The following PLSCR2 variants were observed in gnomAD, a reference collection of about 807,000 sequenced individuals.
PLSCR2 encodes the protein phospholipid scramblase 2, also known as PL scramblase 2.
A neutral mutation model predicts 25.3 loss-of-function variants in PLSCR2; 18 were observed. The ratio of observed to expected loss-of-function variants is 0.71; its 90% confidence interval spans 0.49 to 1.06. The LOEUF is 1.06. Among genes scored for constraint, PLSCR2 ranks in the 50% least tolerant of loss-of-function variants. PLSCR2 has a pLI of 0.00. For missense variants in PLSCR2, 243 were observed against 269.5 expected (o/e 0.90, Z 0.69); for synonymous variants, 88 against 87.3 (o/e 1.01, Z -0.04).
chr3:146,423,645 G>T (rs2039237622), intron 2 of PLSCR2, among the ~76,000 whole-genome samples: 1 of 152,030 alleles, frequency 6.6e-6, no homozygotes, highest in East Asian at 1.9e-4. Flanking sequence ...TGCTAATCAG[G>T]TACCCTTAAA....
downstream of PLSCR2, among the ~76,000 whole-genome samples, chr3:146,430,459 C>T (rs1400179529): frequency 6.6e-6 from 1 of 152,128 alleles, no homozygotes. Context: ...TCTGTGCACT[C>T]TTCTGGCACT....
At chr3:146,447,794 G>A (rs1254521802) in intron 6 of PLSCR2, among the ~76,000 whole-genome samples, 1 of 152,136 alleles carries the variant, frequency 6.6e-6, no homozygotes. Context: ...GGCTTAGAGT[G>A]CCTTTCAAGT....
downstream of PLSCR2, among the ~76,000 whole-genome samples, chr3:146,430,373 G>A (rs995023480): frequency 6.6e-6 from 1 of 152,130 alleles, no homozygotes; most frequent in South Asian, 2.1e-4. Flanking sequence ...GTGCAGGAAG[G>A]TTCTAGGAAA....
chr3:146,435,888 G>T (rs1396698602), intron 8 of PLSCR2, among the ~76,000 whole-genome samples: 2 of 152,144 alleles, frequency 1.3e-5, no homozygotes, highest in Non-Finnish European at 1.5e-5. Flanking sequence ...TTTTCTCCTA[G>T]GGTTTTTACG....
intron 2 of PLSCR2, chr3:146,401,441 G>T (rs984206051): frequency 1.3e-5 from 2 of 152,392 alleles, no homozygotes; most frequent in East Asian, 1.9e-4. Flanking sequence ...TAGTAAAAGG[G>T]CTTGAAAATC....
At chr3:146,485,989 C>T (rs534575078) in intron 1 of PLSCR2, among the ~76,000 whole-genome samples, 31 of 152,184 alleles carry the variant, frequency 2.0e-4, no homozygotes, top group African/African-American at 7.0e-4. Flanking sequence ...TCAATCATCT[C>T]TTATGGTCTC....
chr3:146,415,546 G>T (rs1335124378), intron 2 of PLSCR2, among the ~76,000 whole-genome samples: 1 of 151,990 alleles, frequency 6.6e-6, no homozygotes, highest in African/African-American at 2.4e-5. Flanking sequence ...AATGCTAAAA[G>T]GTTTTGTTAT....
chr3:146,449,138 T>G, intron 6 of PLSCR2, 68 bp downstream of exon 6: 2 of 1,114,822 alleles, frequency 1.8e-6, no homozygotes, highest in Non-Finnish European at 2.7e-6. Context: ...AATGTATAAT[T>G]TATTGAAGTA....
chr3:146,479,120 T>C (rs1463000063), intron 1 of PLSCR2, among the ~76,000 whole-genome samples: 1 of 152,160 alleles, frequency 6.6e-6, no homozygotes, highest in Non-Finnish European at 1.5e-5. Context: ...GGAAAACCGG[T>C]ACCAGCCACT....
chr3:146,469,206 G>A lies in PLSCR2; in HGVS notation c.-292-8922C>T, dbSNP rs1028538229. 3 of 985,310 alleles carry A rather than the reference G, an allele frequency of 3.0e-6. No homozygotes were observed. The African/African-American group carries it at 5.2e-5, about 17-fold the overall frequency. The allele number at this position is 985,310 out of a possible 1,614,324, so 61.0% of individuals were successfully genotyped here. A position where few individuals can be genotyped will look rare whatever the true frequency, so the allele number is the denominator to read the frequency against. The stretch of plus-strand genomic sequence containing the variant: ...CAGACTCTGCCCAGGATTCAGGGCC[G>A]CTCTCTACCTGTAAAGCAGTGTAGC... On this transcript the variant is annotated intron_variant, in intron 1 of 8. Transcript: ENST00000336685.
At chr3:146,406,183 C>T (rs1256291715) in intron 2 of PLSCR2, among the ~76,000 whole-genome samples, 2 of 152,192 alleles carry the variant, frequency 1.3e-5, no homozygotes, top group Non-Finnish European at 2.9e-5. Context: ...TGGTTGATCT[C>T]TTAGAGCAGG....
intron 2 of PLSCR2, among the ~76,000 whole-genome samples, chr3:146,413,548 C>T (rs1047186335): frequency 6.6e-6 from 1 of 152,168 alleles, no homozygotes. Context: ...ATTCTGCCTT[C>T]CCTAAAGCTC....
chr3:146,480,152 C>A (rs766347881), intron 1 of PLSCR2, among the ~76,000 whole-genome samples: 6 of 152,118 alleles, frequency 3.9e-5, no homozygotes, highest in Non-Finnish European at 7.4e-5. Context: ...CTAAAATTAA[C>A]ACGCTAACAT....
intron 2 of PLSCR2, among the ~76,000 whole-genome samples, chr3:146,414,525 C>T (rs1333772523): frequency 6.6e-6 from 1 of 151,930 alleles, no homozygotes; most frequent in Non-Finnish European, 1.5e-5. Context: ...GAAGAGCTTT[C>T]ATGAGTTAAA....
chr3:146,447,488 T>C (rs2040620869), intron 6 of PLSCR2, among the ~76,000 whole-genome samples: 1 of 152,090 alleles, frequency 6.6e-6, no homozygotes, highest in Admixed American at 6.5e-5. Context: ...TTTAGAAACA[T>C]TGTCTGGGTG....
intron 2 of PLSCR2, among the ~76,000 whole-genome samples, chr3:146,409,618 C>G (rs987181243): frequency 2.6e-5 from 4 of 152,138 alleles, no homozygotes; most frequent in Non-Finnish European, 5.9e-5. Flanking sequence ...TAACTCCTAA[C>G]TTTGGCCATT....
chr3:146,476,189 C>T (rs374546283), intron 1 of PLSCR2, among the ~76,000 whole-genome samples: 83 of 152,098 alleles, frequency 5.5e-4, no homozygotes, highest in African/African-American at 1.8e-3. Context: ...CACTGGGAAC[C>T]GAGGTACCCT....
chr3:146,411,669 C>T (rs990746585), intron 2 of PLSCR2, among the ~76,000 whole-genome samples: 3 of 152,178 alleles, frequency 2.0e-5, no homozygotes, highest in Non-Finnish European at 2.9e-5. Flanking sequence ...ACCATTTAGC[C>T]GGCGGCCAAG....
chr3:146,406,731 A>G (rs2038671686), intron 2 of PLSCR2, among the ~76,000 whole-genome samples: 1 of 152,190 alleles, frequency 6.6e-6, no homozygotes, highest in Non-Finnish European at 1.5e-5. Flanking sequence ...CAGGAATGCC[A>G]TCCACCTTCA....
Sources: allele counts gnomAD v4.1 joint callset (sites outside exome capture counted in the v4.1 genomes callset), GRCh38; gene constraint gnomAD v4.1.1; transcripts MANE v1.5; gene names NCBI Gene and HGNC (gene_info 2026-07-23, HGNC 2026-07-21).